The following NDST3 variants were observed in gnomAD, a reference collection of about 807,000 sequenced individuals.
The protein encoded by NDST3 is N-deacetylase and N-sulfotransferase 3.
A neutral mutation model predicts 96.1 loss-of-function variants in NDST3; 58 were observed. That is an observed-to-expected ratio of 0.60 (90% CI 0.49 to 0.75). The LOEUF (loss-of-function observed/expected upper bound fraction) is 0.75. Ranked by LOEUF, NDST3 falls within the 30% of genes least tolerant of loss-of-function variation. NDST3 has a pLI of 0.00. For synonymous variants in NDST3, 333 were observed against 359.7 expected (o/e 0.93, Z 0.84); for missense variants, 788 against 1,034.2 (o/e 0.76, Z 3.27).
chr4:118,126,492 A>G (rs570265559), intron 4 of NDST3, among the ~76,000 whole-genome samples: 3 of 150,142 alleles, frequency 2.0e-5, no homozygotes, highest in Non-Finnish European at 4.4e-5. Flanking sequence ...ACTGTGTACT[A>G]TTATACTGTG....
chr4:118,156,639 G>GC (rs113357475), intron 6 of NDST3, among the ~76,000 whole-genome samples: 3,104 of 152,194 alleles, frequency 0.02, 39 homozygotes, highest in South Asian at 0.033. Flanking sequence ...TGAGTAACTG[G>GC]TTTTTATTGT....
At chr4:118,199,237 G>A (rs1266952069) in intron 6 of NDST3, among the ~76,000 whole-genome samples, 1 of 152,002 alleles carries the variant, frequency 6.6e-6, no homozygotes, top group Non-Finnish European at 1.5e-5. Context: ...CATGCTTCAT[G>A]GTTTTTTATT....
At position 118,054,481 on chromosome 4, in the gene NDST3, A is replaced by G; in HGVS notation, c.571A>G (p.Lys191Glu). The change falls in exon 2 of 14, where the codon AAA becomes GAA. Residue 191 changes from lysine (K) to glutamate (E), a missense_variant. Coordinates refer to ENST00000296499, the MANE Select transcript of NDST3 (RefSeq NM_004784.3). ...TTCCATATATGGAAATCTTGCAGTA[A>G]AAGATTGTTGTATTAATCCTCATTC... ...PFSIYGNLAVKDCCINPHSPL... is the reference protein window; with the variant it reads ...PFSIYGNLAVEDCCINPHSPL... The G allele has an allele frequency of 6.2e-7, 1 of 1,613,102 alleles. No homozygotes were observed. The highest frequency in any genetic ancestry group is 1.3e-5 in the African/African-American group (1 of 74,948).
intron 6 of NDST3, among the ~76,000 whole-genome samples, chr4:118,158,793 A>G (rs1243803023): frequency 1.3e-5 from 2 of 152,238 alleles, no homozygotes; most frequent in African/African-American, 4.8e-5. Context: ...CTGTGATTCA[A>G]TACAAAATAA....
intron 4 of NDST3, among the ~76,000 whole-genome samples, chr4:118,115,828 T>C (rs928112215): frequency 3.3e-5 from 5 of 152,208 alleles, no homozygotes; most frequent in Non-Finnish European, 7.3e-5. Flanking sequence ...GTATACACTA[T>C]ATTTTTTTTC....
intron 12 of NDST3, among the ~76,000 whole-genome samples, chr4:118,249,150 T>A (rs1478805783): frequency 6.6e-6 from 1 of 152,236 alleles, no homozygotes; most frequent in Non-Finnish European, 1.5e-5. Context: ...TTTTAGCATG[T>A]GTGGAGTTCA....
intron 6 of NDST3, among the ~76,000 whole-genome samples, chr4:118,171,726 T>C (rs1735965714): frequency 1.3e-5 from 2 of 152,350 alleles, no homozygotes; most frequent in Middle Eastern, 3.4e-3. Flanking sequence ...GGTCATACAA[T>C]ACCGCTTTCC....
chr4:118,255,388 C>T (rs1026673653), intron 13 of NDST3, among the ~76,000 whole-genome samples: 4 of 152,110 alleles, frequency 2.6e-5, no homozygotes, highest in Admixed American at 2.6e-4. Context: ...TGTCACCACA[C>T]CTTTTGCCTC....
At chr4:118,099,848 T>G (rs1057317542) in intron 2 of NDST3, among the ~76,000 whole-genome samples, 1 of 152,086 alleles carries the variant, frequency 6.6e-6, no homozygotes, top group African/African-American at 2.4e-5. Context: ...AGCACAAGTC[T>G]TGTATAGTCT....
At chr4:118,037,558 A>G (rs904805965) in intron 1 of NDST3, among the ~76,000 whole-genome samples, 1 of 152,244 alleles carries the variant, frequency 6.6e-6, no homozygotes, top group Admixed American at 6.5e-5. Flanking sequence ...TTTGTTCTTG[A>G]TATGCCTCTT....
chr4:118,156,646 T>C (rs757007999), intron 6 of NDST3, among the ~76,000 whole-genome samples: 3 of 152,186 alleles, frequency 2.0e-5, no homozygotes, highest in South Asian at 2.1e-4. Context: ...CTGGTTTTTA[T>C]TGTCTCCCAA....
intron 4 of NDST3, among the ~76,000 whole-genome samples, chr4:118,130,278 TC>T (rs1444666136): frequency 1.3e-5 from 2 of 152,216 alleles, no homozygotes; most frequent in East Asian, 3.9e-4. Flanking sequence ...TTTTCTTCCT[TC>T]CTGTCTTCCT....
chr4:118,192,869 G>A (rs1737402812), intron 6 of NDST3, among the ~76,000 whole-genome samples: 1 of 152,138 alleles, frequency 6.6e-6, no homozygotes, highest in Non-Finnish European at 1.5e-5. Context: ...CCAGAACGGG[G>A]GACAGGGGGT....
At chr4:118,234,862 T>G (rs1449347601) in intron 9 of NDST3, among the ~76,000 whole-genome samples, 1 of 151,822 alleles carries the variant, frequency 6.6e-6, no homozygotes, top group African/African-American at 2.4e-5. Flanking sequence ...AAACCCCGTC[T>G]CTACTAAAAA....
chr4:118,104,956 T>A, intron 2 of NDST3, 62 bp from the exon 3 acceptor site: 3 of 1,351,708 alleles, frequency 2.2e-6, no homozygotes, highest in Non-Finnish European at 1.1e-6. Flanking sequence ...AAAGGATATA[T>A]CTTTTGGAAA....
chr4:118,232,391 G>C (rs1740358799), intron 8 of NDST3, among the ~76,000 whole-genome samples: 1 of 151,934 alleles, frequency 6.6e-6, no homozygotes, highest in Non-Finnish European at 1.5e-5. Flanking sequence ...GCACTTTAGG[G>C]GGCCAAGGTG....
chr4:118,202,402 C>A (rs1464814943), intron 6 of NDST3, among the ~76,000 whole-genome samples: 1 of 152,120 alleles, frequency 6.6e-6, no homozygotes, highest in Admixed American at 6.5e-5. Flanking sequence ...CTTTAACTTG[C>A]TTTGGACAGT....
chr4:118,153,791 T>C (rs1007789264), intron 6 of NDST3, among the ~76,000 whole-genome samples: 1 of 152,060 alleles, frequency 6.6e-6, no homozygotes, highest in African/African-American at 2.4e-5. Flanking sequence ...ACCACTGCAC[T>C]CCAGCCTGGG....
At chr4:118,156,104 G>T (rs1734693885) in intron 6 of NDST3, among the ~76,000 whole-genome samples, 1 of 151,708 alleles carries the variant, frequency 6.6e-6, no homozygotes, top group Admixed American at 6.6e-5. Flanking sequence ...ATCAAATCTG[G>T]CTCCTGTCCA....
Sources: allele counts gnomAD v4.1 joint callset (sites outside exome capture counted in the v4.1 genomes callset), GRCh38; gene constraint gnomAD v4.1.1; transcripts MANE v1.5; gene names NCBI Gene and HGNC (gene_info 2026-07-23, HGNC 2026-07-21).